ZKSCAN1: variants seen among roughly 807,000 people sequenced by gnomAD.
ZKSCAN1 encodes the protein zinc finger with KRAB and SCAN domains 1.
In ZKSCAN1, 14 loss-of-function variants were observed where a neutral mutation model predicts 51.6. The observed-to-expected ratio is 0.27, with a 90% CI of 0.18 to 0.42. The LOEUF is 0.42. ZKSCAN1 is among the 10% of genes least tolerant of loss of function. ZKSCAN1 has a pLI of 1.00. For synonymous variants in ZKSCAN1, 263 were observed against 261.5 expected (o/e 1.01, Z -0.06); for missense variants, 531 against 710.0 (o/e 0.75, Z 2.86).
Position 100,041,473 on chromosome 7 carries a change from G to A in ZKSCAN1, c.*7276G>A. On this transcript the variant is annotated 3_prime_UTR_variant, in exon 6 of 6. Coordinates refer to ENST00000324306, the MANE Select transcript of ZKSCAN1 (RefSeq NM_003439.4). ...AAAGTAACCATTGGAAACCTCGAATGAGGGCTAAAGTTTTAATCATAAGAG... is the reference window on the plus strand; with the variant it reads ...AAAGTAACCATTGGAAACCTCGAATAAGGGCTAAAGTTTTAATCATAAGAG... 2 of 985,432 alleles carry A rather than the reference G, an allele frequency of 2.0e-6. No individual in the cohort carries two copies. Among genetic ancestry groups the A allele is most frequent in the Non-Finnish European group, 2.4e-6 (2 of 829,942 alleles). The allele number at this position is 985,432 out of a possible 1,614,324, so 61.0% of individuals were successfully genotyped here. A position where few individuals can be genotyped will look rare whatever the true frequency, so the allele number is the denominator to read the frequency against.
chr7:100,022,274 C>T (rs529046558), intron 1 of ZKSCAN1, among the ~76,000 whole-genome samples: 49 of 152,276 alleles, frequency 3.2e-4, no homozygotes, highest in African/African-American at 1.1e-3. Flanking sequence ...AGGATGGTCC[C>T]GATCTCCTGA....
At chr7:100,022,909 C>G (rs1790650151) in intron 1 of ZKSCAN1, among the ~76,000 whole-genome samples, 1 of 152,134 alleles carries the variant, frequency 6.6e-6, no homozygotes, top group South Asian at 2.1e-4. Context: ...TGACTCCAAG[C>G]AAACACCCTG....
intron 4 of ZKSCAN1, 48 bp from the exon 5 acceptor site, chr7:100,030,201 T>C (rs759748173): frequency 1.3e-6 from 2 of 1,597,424 alleles, no homozygotes; most frequent in Non-Finnish European, 1.7e-6. Context: ...GCAATGGGAT[T>C]GTCCCTGAGT....
In ZKSCAN1 at chr7:100,033,003, A is replaced by G. The variant is rs1236697264; in HGVS notation, c.800-302A>G. Among the ~76,000 whole-genome samples the G allele has an allele frequency of 1.4e-5, 2 of 143,392 alleles. No individual in the cohort carries two copies. Among genetic ancestry groups the G allele is most frequent in the Non-Finnish European group, 3.1e-5 (2 of 65,380 alleles). 94.1% of individuals were successfully genotyped at this position (143,392 alleles called of 152,430 possible). On this transcript the variant is annotated intron_variant, in intron 5 of 5. Coordinates refer to ENST00000324306, the MANE Select transcript of ZKSCAN1 (RefSeq NM_003439.4). The surrounding 1 kb of genome is among the most constrained non-coding windows in gnomAD (Gnocchi z 4.1). ...AGCCTGGGTAACAGAGCAAGACTCCATCTCAAAAAAAAAAAAAAGTTACCC... is the reference window on the plus strand; with the variant it reads ...AGCCTGGGTAACAGAGCAAGACTCCGTCTCAAAAAAAAAAAAAAGTTACCC...
intron 3 of ZKSCAN1, among the ~76,000 whole-genome samples, chr7:100,027,778 G>A (rs544254725): frequency 2.7e-5 from 4 of 149,802 alleles, no homozygotes; most frequent in Admixed American, 6.7e-5. Context: ...CCGGTGCACC[G>A]TGATGTTTAA....
chr7:100,041,661 A>G lies in ZKSCAN1; in HGVS notation c.*7464A>G. On this transcript the variant is annotated 3_prime_UTR_variant, in exon 6 of 6. Transcript: ENST00000324306. ...GTTGTTTCTCTTCTGAGTCATGGTAAAACAATAAATTATCATCTCTAGGTG... is the reference window on the plus strand; with the variant it reads ...GTTGTTTCTCTTCTGAGTCATGGTAGAACAATAAATTATCATCTCTAGGTG... The G allele has an allele frequency of 1.0e-6, 1 of 985,396 alleles. No individual in the cohort carries two copies. The highest frequency in any genetic ancestry group is 1.2e-6 in the Non-Finnish European group (1 of 829,928). The allele number at this position is 985,396 out of a possible 1,614,324, so 61.0% of individuals were successfully genotyped here. A position where few individuals can be genotyped will look rare whatever the true frequency, so the allele number is the denominator to read the frequency against.
chr7:100,018,227 GTA>G (rs1790450336), intron 1 of ZKSCAN1, among the ~76,000 whole-genome samples: 2 of 152,172 alleles, frequency 1.3e-5, no homozygotes, highest in South Asian at 4.1e-4. Flanking sequence ...AACATTGAAT[GTA>G]GAATGATCGG....
chr7:100,043,943 A>G (rs1791660889), downstream of ZKSCAN1, among the ~76,000 whole-genome samples: 1 of 150,200 alleles, frequency 6.7e-6, no homozygotes, highest in East Asian at 2.0e-4. Context: ...CACCCAGCTA[A>G]TTTTTGTATT....
chr7:100,027,635 C>A (rs940925917), intron 3 of ZKSCAN1, among the ~76,000 whole-genome samples: 12 of 150,788 alleles, frequency 8.0e-5, no homozygotes, highest in Non-Finnish European at 1.8e-4. Flanking sequence ...GTAGTCCCAG[C>A]TACTCAGGAG....
intron 4 of ZKSCAN1, 119 bp from the exon 5 acceptor site, chr7:100,030,130 C>T: frequency 6.7e-7 from 1 of 1,498,482 alleles, no homozygotes; most frequent in Non-Finnish European, 9.1e-7. Flanking sequence ...GTTCTGGCCA[C>T]CCTTTTCTTC....
chr7:100,032,835 C>T (rs1791168542), intron 5 of ZKSCAN1, among the ~76,000 whole-genome samples: 4 of 152,110 alleles, frequency 2.6e-5, no homozygotes, highest in East Asian at 1.9e-4. Context: ...GGTGAAACCC[C>T]GTCTACACTA....
chr7:100,027,697 G>A (rs1400419723), intron 3 of ZKSCAN1, among the ~76,000 whole-genome samples: 2 of 143,938 alleles, frequency 1.4e-5, no homozygotes, highest in African/African-American at 5.2e-5. Context: ...GCAGTGAGCC[G>A]AGATTGCGCC....
At chr7:100,026,601 C>T (rs913108298) in intron 3 of ZKSCAN1, among the ~76,000 whole-genome samples, 2 of 151,986 alleles carry the variant, frequency 1.3e-5, no homozygotes, top group African/African-American at 4.8e-5. Context: ...TGGTGCATGC[C>T]TGTAATTCCA....
intron 1 of ZKSCAN1, 76 bp from the exon 2 acceptor site, chr7:100,023,343 G>T (rs985495197): frequency 1.1e-5 from 8 of 759,160 alleles, no homozygotes; most frequent in Non-Finnish European, 1.6e-5. Context: ...TCGATGTGCT[G>T]CCTCCTATAA....
downstream of ZKSCAN1, chr7:100,041,708 T>C (rs1791602664): frequency 1.0e-6 from 1 of 985,336 alleles, no homozygotes; most frequent in South Asian, 4.7e-5. Flanking sequence ...GCTGGTTTGT[T>C]TTTTGTTCTT....
At position 100,039,388 on chromosome 7, in the gene ZKSCAN1, G is replaced by A. The variant is rs994061541; in HGVS notation, c.*5191G>A. 1.0e-6 allele frequency: 1 copy of A among 985,250 alleles called. No individual in the cohort carries two copies. The highest frequency in any genetic ancestry group is 1.7e-5 in the African/African-American group (1 of 57,192). 61.0% of individuals were successfully genotyped at this position (985,250 alleles called of 1,614,324 possible). ...CAAGGTGGGCATTTCCCGGAATTGT[G>A]TGCAGATGCATCCAGTCGTGGCATT... On this transcript the variant is annotated 3_prime_UTR_variant, in exon 6 of 6. Coordinates refer to ENST00000324306, the MANE Select transcript of ZKSCAN1 (RefSeq NM_003439.4).
chr7:100,044,146 G>A (rs573701200), downstream of ZKSCAN1, among the ~76,000 whole-genome samples: 2 of 152,220 alleles, frequency 1.3e-5, no homozygotes, highest in South Asian at 2.1e-4. Context: ...GGCGATGTCT[G>A]ATCAGCCTGG....
At position 100,038,276 on chromosome 7, in the gene ZKSCAN1, A is replaced by G. The variant is rs940282604; in HGVS notation, c.*4079A>G. On this transcript the variant is annotated 3_prime_UTR_variant, in exon 6 of 6. Coordinates refer to ENST00000324306, the MANE Select transcript of ZKSCAN1 (RefSeq NM_003439.4). ...TATTTTAGCCTATTTGACAGAACAC[A>G]TCACTCAGAAAAAGTGAAGTTTCAG... The G allele has an allele frequency of 2.2e-5, 22 of 985,322 alleles. No individual in the cohort carries two copies. The African/African-American group carries it at 3.0e-4, about 13-fold the overall frequency. The allele number at this position is 985,322 out of a possible 1,614,324, so 61.0% of individuals were successfully genotyped here. A position where few individuals can be genotyped will look rare whatever the true frequency, so the allele number is the denominator to read the frequency against.
intron 1 of ZKSCAN1, among the ~76,000 whole-genome samples, chr7:100,021,116 C>CTT (rs60632908): frequency 0.19 from 15,984 of 85,758 alleles, 1,521 homozygotes; most frequent in Non-Finnish European, 0.22. Context: ...TTTTTTTTTC[C>CTT]TTTTTTTTTT....
Sources: gnomAD v4.1 joint callset for allele counts (sites outside exome capture counted in the v4.1 genomes callset) on GRCh38, gnomAD v4.1.1 for gene constraint, Gnocchi (gnomAD v3.1) non-coding constraint, MANE v1.5 for transcripts, NCBI Gene and HGNC (gene_info 2026-07-23, HGNC 2026-07-21) for gene names.